The following IQGAP2 variants were observed in gnomAD, a reference collection of about 807,000 sequenced individuals.
IQGAP2 encodes the protein IQ motif containing GTPase activating protein 2, also known as ras GTPase-activating-like protein IQGAP2.
In IQGAP2, 173 loss-of-function variants were observed where a neutral mutation model predicts 201.3. The ratio of observed to expected loss-of-function variants is 0.86; its 90% confidence interval spans 0.76 to 0.98. IQGAP2 has a LOEUF of 0.98. Among genes scored for constraint, IQGAP2 ranks in the 50% least tolerant of loss-of-function variants. The pLI is 0.00. For synonymous variants in IQGAP2, 675 were observed against 673.9 expected (o/e 1.00, Z -0.03); for missense variants, 1,687 against 1,864.8 (o/e 0.90, Z 1.76).
chr5:76,531,968 T>C (rs1310507748), intron 2 of IQGAP2, among the ~76,000 whole-genome samples: 5 of 152,214 alleles, frequency 3.3e-5, no homozygotes, highest in Non-Finnish European at 5.9e-5. Flanking sequence ...TCACGTAATC[T>C]CACCTGGTGG....
At chr5:76,433,657 T>C (rs1298024586) in intron 1 of IQGAP2, among the ~76,000 whole-genome samples, 1 of 152,240 alleles carries the variant, frequency 6.6e-6, no homozygotes, top group Non-Finnish European at 1.5e-5. Context: ...TTAGACTTTT[T>C]ATAATTAGAC....
intron 2 of IQGAP2, among the ~76,000 whole-genome samples, chr5:76,518,515 G>A (rs1758475305): frequency 6.6e-6 from 1 of 152,126 alleles, no homozygotes; most frequent in African/African-American, 2.4e-5. Flanking sequence ...CAACACGTGG[G>A]AATTCAAGAT....
At position 76,574,772 on chromosome 5, in the gene IQGAP2, T is replaced by A. The variant is rs143831499; in HGVS notation, c.382-921T>A. On this transcript the variant is annotated intron_variant, in intron 4 of 35. Coordinates refer to ENST00000274364, the MANE Select transcript of IQGAP2 (RefSeq NM_006633.5). Reference sequence around the variant, plus strand: ...TTGATGTTCAGACCTTTCAGTCTAGTAATTTCATATTTAGATGATTATCCA... The same window carrying A: ...TTGATGTTCAGACCTTTCAGTCTAGAAATTTCATATTTAGATGATTATCCA... 1.6e-4 allele frequency among the ~76,000 whole-genome samples: 25 copies of A among 152,374 alleles called. No individual in the cohort carries two copies. The East Asian group carries it at 4.8e-3, about 29-fold the overall frequency.
At chr5:76,465,910 A>G (rs1157693500) in intron 2 of IQGAP2, among the ~76,000 whole-genome samples, 3 of 152,160 alleles carry the variant, frequency 2.0e-5, no homozygotes, top group Non-Finnish European at 4.4e-5. Context: ...AAGACATCTC[A>G]TGTTCATGGA....
chr5:76,512,548 T>C (rs994365633), intron 2 of IQGAP2, among the ~76,000 whole-genome samples: 2 of 152,168 alleles, frequency 1.3e-5, no homozygotes, highest in Non-Finnish European at 2.9e-5. Flanking sequence ...AACTCTGAAG[T>C]GTGATACTAT....
rs965565685 is a variant in IQGAP2, at chr5:76,416,046, G to A, written c.46+12455G>A. Among the ~76,000 whole-genome samples the A allele has an allele frequency of 5.3e-5, 8 of 152,100 alleles. No individual in the cohort carries two copies. In the East Asian group the frequency reaches 5.8e-4, roughly 11 times the overall value. On this transcript the variant is annotated intron_variant, in intron 1 of 35. Transcript: ENST00000274364. ...ATGGGGGAAATAAAGGTTGTGACAC[G>A]AAAGTGGAGTGTTCTCTTGACTCAC... is the stretch of plus-strand genomic sequence containing the variant.
At chr5:76,697,605 C>T (rs1318207299) in intron 32 of IQGAP2, among the ~76,000 whole-genome samples, 1 of 152,182 alleles carries the variant, frequency 6.6e-6, no homozygotes, top group Non-Finnish European at 1.5e-5. Context: ...CACTGCACTC[C>T]AGCCTGGGTG....
chr5:76,481,699 T>C (rs1210328447), intron 2 of IQGAP2, among the ~76,000 whole-genome samples: 1 of 152,214 alleles, frequency 6.6e-6, no homozygotes, highest in Non-Finnish European at 1.5e-5. Flanking sequence ...TACAAAAATA[T>C]TAATGAGATA....
At chr5:76,500,907 GA>G (rs1168763805) in intron 2 of IQGAP2, among the ~76,000 whole-genome samples, 1 of 152,150 alleles carries the variant, frequency 6.6e-6, no homozygotes. Context: ...CTACATTTCA[GA>G]ATGTTTAGGT....
intron 7 of IQGAP2, 116 bp from the exon 8 acceptor site, chr5:76,590,292 T>A: frequency 1.3e-6 from 1 of 778,792 alleles, no homozygotes; most frequent in Non-Finnish European, 2.1e-6. Context: ...TTTGACATAT[T>A]TACTGGAAGC....
chr5:76,634,202 G>C (rs937325897), intron 15 of IQGAP2, among the ~76,000 whole-genome samples: 1 of 152,080 alleles, frequency 6.6e-6, no homozygotes, highest in South Asian at 2.1e-4. Flanking sequence ...TCCTGCTGCA[G>C]TGGTAGTGCT....
chr5:76,455,776 T>C (rs1348583948), intron 1 of IQGAP2, among the ~76,000 whole-genome samples: 1 of 152,186 alleles, frequency 6.6e-6, no homozygotes, highest in African/African-American at 2.4e-5. Flanking sequence ...TAAACTTGTC[T>C]TGTCACTGTT....
chr5:76,546,796 T>C (rs959030929), intron 2 of IQGAP2, among the ~76,000 whole-genome samples: 32 of 152,196 alleles, frequency 2.1e-4, no homozygotes, highest in Admixed American at 2.0e-3. Context: ...ATGCTCCTCC[T>C]ATCTGTGCCT....
Position 76,530,514 on chromosome 5 carries a change from T to C in IQGAP2, c.147-31882T>C, listed in dbSNP as rs372709485. ...TATCAGCTTTCTAAAATATTTGGTG[T>C]GTAATCAAAGTACAGTTTTGTTGCT... On this transcript the variant is annotated intron_variant, in intron 2 of 35. Coordinates refer to ENST00000274364, the MANE Select transcript of IQGAP2 (RefSeq NM_006633.5). Among the ~76,000 whole-genome samples the C allele has an allele frequency of 4.6e-5, 7 of 152,370 alleles. No individual in the cohort carries two copies. In the East Asian group the frequency reaches 1.3e-3, roughly 29 times the overall value.
chr5:76,486,137 A>G (rs1756121526), intron 2 of IQGAP2, among the ~76,000 whole-genome samples: 1 of 152,230 alleles, frequency 6.6e-6, no homozygotes, highest in Non-Finnish European at 1.5e-5. Flanking sequence ...GATTTCATTT[A>G]AAATGTAGAA....
intron 12 of IQGAP2, among the ~76,000 whole-genome samples, chr5:76,610,573 A>T (rs1025709519): frequency 3.9e-5 from 6 of 151,978 alleles, no homozygotes; most frequent in African/African-American, 9.7e-5. Flanking sequence ...CTCAAAAAAA[A>T]AAAATAAAAA....
At chr5:76,558,752 C>T (rs940013004) in intron 2 of IQGAP2, among the ~76,000 whole-genome samples, 41 of 152,294 alleles carry the variant, frequency 2.7e-4, no homozygotes, top group Admixed American at 7.8e-4. Flanking sequence ...TCACCAACAC[C>T]CCTCCTTTAG....
At chr5:76,530,551 G>T (rs1358976942) in intron 2 of IQGAP2, among the ~76,000 whole-genome samples, 1 of 151,298 alleles carries the variant, frequency 6.6e-6, no homozygotes, top group East Asian at 1.9e-4. Flanking sequence ...GATTTCAAAG[G>T]CTGCAGTTTA....
intron 2 of IQGAP2, among the ~76,000 whole-genome samples, chr5:76,500,885 C>T (rs1052073959): frequency 2.6e-5 from 4 of 152,142 alleles, no homozygotes; most frequent in African/African-American, 4.8e-5. Flanking sequence ...CCCCATTTTA[C>T]AGATGTGAAA....
Sources: allele counts gnomAD v4.1 joint callset (sites outside exome capture counted in the v4.1 genomes callset), GRCh38; gene constraint gnomAD v4.1.1; transcripts MANE v1.5; gene names NCBI Gene and HGNC (gene_info 2026-07-23, HGNC 2026-07-21).